TMEM132B: variants seen among roughly 807,000 people sequenced by gnomAD.
TMEM132B encodes the protein transmembrane protein 132B.
TMEM132B carries 18 observed loss-of-function variants against 90.8 expected under a neutral mutation model. The observed-to-expected ratio is 0.20, with a 90% confidence interval of 0.14 to 0.29. The LOEUF (loss-of-function observed/expected upper bound fraction) is 0.29. Among genes scored for constraint, TMEM132B ranks in the 10% least tolerant of loss-of-function variants. The pLI is 1.00. For missense variants in TMEM132B, 1,096 were observed against 1,326.8 expected (o/e 0.83, Z 2.70); for synonymous variants, 504 against 523.3 (o/e 0.96, Z 0.50).
At chr12:125,302,071 G>A (rs1369692086) in intron 1 of TMEM132B, among the ~76,000 whole-genome samples, 1 of 151,946 alleles carries the variant, frequency 6.6e-6, no homozygotes, top group Non-Finnish European at 1.5e-5. Flanking sequence ...GCAGTGGCAC[G>A]TGCCTGTAAT....
At chr12:125,582,919 A>G (rs963189716) in intron 4 of TMEM132B, among the ~76,000 whole-genome samples, 17 of 152,232 alleles carry the variant, frequency 1.1e-4, no homozygotes, top group Non-Finnish European at 2.4e-4. Flanking sequence ...AGGGACAGAA[A>G]GACAGGAGCA....
At chr12:125,579,999 A>G (rs966307842) in intron 4 of TMEM132B, among the ~76,000 whole-genome samples, 2 of 152,152 alleles carry the variant, frequency 1.3e-5, no homozygotes, top group African/African-American at 4.8e-5. Flanking sequence ...TGTAAAGTCT[A>G]TAAAGTCTCT....
chr12:125,581,497 G>C (rs1378355274), intron 4 of TMEM132B, among the ~76,000 whole-genome samples: 1 of 152,170 alleles, frequency 6.6e-6, no homozygotes, highest in Non-Finnish European at 1.5e-5. Context: ...CCAAGGGCTG[G>C]AATACCTGGA....
Position 125,524,927 on chromosome 12 carries a change from G to T in TMEM132B, c.1293+5302G>T, listed in dbSNP as rs112905528. On this transcript the variant is annotated intron_variant, in intron 4 of 8. Coordinates refer to ENST00000682704, the MANE Select transcript of TMEM132B (RefSeq NM_001366854.1). ...CCTACTGTTTGAGAGGGTCAGGGAA[G>T]AAAGGGGAGGAAGGAATGTGCTATC... Among the ~76,000 whole-genome samples, 1,132 of 152,316 alleles carry T rather than the reference G, an allele frequency of 7.4e-3. 4 individuals carry two copies. The highest frequency in any genetic ancestry group is 0.02 in the Middle Eastern group (6 of 294).
chr12:125,399,457 A>AAG (rs1879249220), intron 2 of TMEM132B, among the ~76,000 whole-genome samples: 3 of 132,618 alleles, frequency 2.3e-5, no homozygotes, highest in African/African-American at 8.9e-5. Flanking sequence ...GTGAAGAAGG[A>AAG]AGTGTGTGTG....
chr12:125,321,458 T>A (rs1459918415), intron 1 of TMEM132B, among the ~76,000 whole-genome samples: 2 of 150,390 alleles, frequency 1.3e-5, no homozygotes, highest in East Asian at 3.9e-4. Context: ...AATGGTGTAG[T>A]CACTTTTGAA....
intron 5 of TMEM132B, among the ~76,000 whole-genome samples, chr12:125,628,718 T>C (rs980242246): frequency 6.6e-6 from 1 of 152,296 alleles, no homozygotes. Context: ...CAAGAAGTTT[T>C]TGCCCAGACC....
At chr12:125,294,278 C>G (rs577166608) in intron 1 of TMEM132B, among the ~76,000 whole-genome samples, 1 of 152,314 alleles carries the variant, frequency 6.6e-6, no homozygotes, top group Non-Finnish European at 1.5e-5. Context: ...CAGCAGACAA[C>G]TGGAATAGGC....
chr12:125,326,762 C>T, intron 1 of TMEM132B: 2 of 1,361,028 alleles, frequency 1.5e-6, no homozygotes, highest in Non-Finnish European at 1.0e-6. Flanking sequence ...TATTCAGATT[C>T]TCCCTTTGCA....
chr12:125,270,112 T>TTTGTGTGTG (rs372403246), intron 1 of TMEM132B, among the ~76,000 whole-genome samples: 6 of 143,250 alleles, frequency 4.2e-5, no homozygotes, highest in Admixed American at 2.1e-4. Flanking sequence ...CACATCTTTG[T>TTTGTGTGTG]TGTGTGTGTG....
Position 125,226,976 on chromosome 12 carries a change from T to TAG in TMEM132B, c.67+40110_67+40111insAG, listed in dbSNP as rs568600034. Among the ~76,000 whole-genome samples the TAG allele has an allele frequency of 5.3e-5, 8 of 152,362 alleles. No homozygotes were observed. In the South Asian group the frequency reaches 1.7e-3, roughly 32 times the overall value. ...ACATGTGTCATAAACTGTTAAGTGCTGTAACGGTGTTAGGTAGCAATAATA... is the reference window on the plus strand; with the variant it reads ...ACATGTGTCATAAACTGTTAAGTGCTAGGTAACGGTGTTAGGTAGCAATAATA... On this transcript the variant is annotated intron_variant, in intron 1 of 8. Coordinates refer to ENST00000682704, the MANE Select transcript of TMEM132B (RefSeq NM_001366854.1).
intron 4 of TMEM132B, among the ~76,000 whole-genome samples, chr12:125,532,505 A>G (rs897841700): frequency 1.3e-5 from 2 of 150,934 alleles, no homozygotes; most frequent in African/African-American, 4.9e-5. Context: ...TAGTAAAATA[A>G]TCAGGAAGCT....
At chr12:125,370,476 C>T (rs891104301) in intron 2 of TMEM132B, among the ~76,000 whole-genome samples, 4 of 152,220 alleles carry the variant, frequency 2.6e-5, no homozygotes, top group African/African-American at 9.6e-5. Flanking sequence ...ATAGCCAGAA[C>T]TGTTCTCACA....
At chr12:125,601,298 G>A (rs1041315695) in intron 5 of TMEM132B, among the ~76,000 whole-genome samples, 4 of 152,128 alleles carry the variant, frequency 2.6e-5, no homozygotes, top group African/African-American at 9.7e-5. Flanking sequence ...TAGAACTAAG[G>A]ATTAAGAAAC....
intron 4 of TMEM132B, among the ~76,000 whole-genome samples, chr12:125,578,931 GT>G (rs1190108351): frequency 2.0e-5 from 3 of 152,214 alleles, no homozygotes; most frequent in African/African-American, 7.2e-5. Context: ...ATCTCTCTGA[GT>G]TTATTCTATT....
At chr12:125,430,787 G>A (rs746463672) in intron 3 of TMEM132B, among the ~76,000 whole-genome samples, 21 of 152,192 alleles carry the variant, frequency 1.4e-4, no homozygotes, top group Admixed American at 7.2e-4. Context: ...TCTATAGAAA[G>A]GAATATGCAA....
intron 4 of TMEM132B, among the ~76,000 whole-genome samples, chr12:125,533,818 C>T (rs373164935): frequency 1.1e-3 from 170 of 152,344 alleles, no homozygotes; most frequent in African/African-American, 3.8e-3. Flanking sequence ...CAGCGCAGCC[C>T]GTGACCCCTG....
Position 125,652,561 on chromosome 12 carries a change from C to T in TMEM132B, c.2035C>T (p.Pro679Ser), listed in dbSNP as rs751084470. ...LVAGMSLSLQ[P>S]HRADKRAIVS... ...AGCTGGCATGTCTCTCTCCCTGCAG[C>T]CACACCGAGCAGACAAAAGGGCCAT... The change falls in exon 8 of 9, where the codon CCA (proline) becomes TCA (serine). Residue 679 changes from proline to serine, a missense_variant. Physicochemically the swap from Pro to Ser is moderately conservative, Grantham distance 74 (BLOSUM62 -1). Transcript: ENST00000682704. The T allele has an allele frequency of 1.9e-6, 3 of 1,613,838 alleles. No homozygotes were observed. Among genetic ancestry groups the T allele is most frequent in the Non-Finnish European group, 2.5e-6 (3 of 1,179,804 alleles).
Position 125,654,191 on chromosome 12 carries a change from C to T in TMEM132B, c.2733C>T (p.Cys911=), listed in dbSNP as rs183486128. ...AGATTGGCATGTATGCCTTGCTCTG[C>T]GTCTTCTGTCTGGCCATTCTGGTCT... is the stretch of plus-strand genomic sequence containing the variant. ...DLEIGMYALL[C]VFCLAILVFL... Residue 911 remains cysteine, a synonymous_variant, in exon 9 of 9, where the codon TGC becomes TGT. Coordinates refer to ENST00000682704, the MANE Select transcript of TMEM132B (RefSeq NM_001366854.1). The surrounding 1 kb of genome is among the most constrained non-coding windows in gnomAD (Gnocchi z 5.8). The T allele has an allele frequency of 7.8e-5, 126 of 1,614,196 alleles. No individual in the cohort carries two copies. The highest frequency in any genetic ancestry group is 2.3e-4 in the African/African-American group (17 of 75,044).
Sources: allele counts gnomAD v4.1 joint callset (sites outside exome capture counted in the v4.1 genomes callset), GRCh38; gene constraint gnomAD v4.1.1; non-coding constraint Gnocchi (gnomAD v3.1); transcripts MANE v1.5; gene names NCBI Gene and HGNC (gene_info 2026-07-23, HGNC 2026-07-21).